FLOT2: variants seen among roughly 807,000 people sequenced by gnomAD.
FLOT2 encodes the protein flotillin-2.
FLOT2 carries 35 observed loss-of-function variants against 54.9 expected under a neutral mutation model. The ratio of observed to expected loss-of-function variants is 0.64; its 90% confidence interval spans 0.49 to 0.84. FLOT2 has a LOEUF of 0.84. FLOT2 is among the 40% of genes least tolerant of loss of function. FLOT2 has a pLI of 0.00. For missense variants in FLOT2, 464 were observed against 572.1 expected (o/e 0.81, Z 1.93); for synonymous variants, 207 against 228.9 (o/e 0.90, Z 0.86).
chr17:28,894,672 T>G (rs767991497), intron 1 of FLOT2, among the ~76,000 whole-genome samples: 1 of 137,368 alleles, frequency 7.3e-6, no homozygotes, highest in Non-Finnish European at 1.5e-5. Flanking sequence ...CGTCCACTTA[T>G]AGTCTCAGCT....
chr17:28,896,494 A>C (rs189746089), intron 1 of FLOT2, among the ~76,000 whole-genome samples: 205 of 152,296 alleles, frequency 1.3e-3, no homozygotes, highest in Middle Eastern at 3.4e-3. Context: ...CTTATCTCCC[A>C]CACACTGGGG....
chr17:28,881,117 A>G, intron 9 of FLOT2, 75 bp downstream of exon 9: 3 of 1,394,678 alleles, frequency 2.2e-6, no homozygotes, highest in Non-Finnish European at 3.0e-6. Flanking sequence ...CAAGGCCCAG[A>G]GAAGTTCTGG....
Position 28,880,360 on chromosome 17 carries a change from T to G in FLOT2, c.*201A>C, listed in dbSNP as rs1598086426. 7.1e-7 allele frequency: 1 copy of G among 1,398,970 alleles called. No individual in the cohort carries two copies. The highest frequency in any genetic ancestry group is 1.7e-5 in the South Asian group (1 of 58,928). The allele number at this position is 1,398,970 out of a possible 1,614,324, so 86.7% of individuals were successfully genotyped here. A position where few individuals can be genotyped will look rare whatever the true frequency, so the allele number is the denominator to read the frequency against. On this transcript the variant is annotated 3_prime_UTR_variant, in exon 11 of 11. Coordinates refer to ENST00000394908, the MANE Select transcript of FLOT2 (RefSeq NM_004475.3). The stretch of plus-strand genomic sequence containing the variant: ...AACCTGATGAAAGTGGCAGTGAAAG[T>G]GGGGTAAAGGAGAGGAAGAGGAGGA...
intron 8 of FLOT2, 64 bp downstream of exon 8, chr17:28,881,750 G>A: frequency 1.4e-6 from 2 of 1,422,048 alleles, no homozygotes; most frequent in South Asian, 1.2e-5. Flanking sequence ...GGAGAGTAGA[G>A]GGAGTGCACT....
At chr17:28,890,010 T>C (rs897003215) in intron 1 of FLOT2, among the ~76,000 whole-genome samples, 1 of 151,798 alleles carries the variant, frequency 6.6e-6, no homozygotes, top group Non-Finnish European at 1.5e-5. Flanking sequence ...ACGGGGGGTG[T>C]AGACAGAGAG....
intron 2 of FLOT2, chr17:28,885,827 A>C (rs1367796479): frequency 7.0e-6 from 10 of 1,420,108 alleles, no homozygotes; most frequent in Non-Finnish European, 8.8e-6. Flanking sequence ...AGAAGGTTAG[A>C]CACGGAGGAG....
At chr17:28,889,293 AAGAAC>A (rs2039604455) in intron 1 of FLOT2, among the ~76,000 whole-genome samples, 1 of 152,232 alleles carries the variant, frequency 6.6e-6, no homozygotes, top group African/African-American at 2.4e-5. Context: ...CAGAGAAAAG[AAGAAC>A]AGAACAGGAC....
intron 8 of FLOT2, 135 bp from the exon 9 acceptor site, chr17:28,881,510 G>A: frequency 1.1e-6 from 1 of 942,932 alleles, no homozygotes; most frequent in South Asian, 1.6e-5. Context: ...GGAGTGGGGT[G>A]GCCTGACCTT....
chr17:28,880,679 T>C, intron 10 of FLOT2, 34 bp downstream of exon 10: 1 of 1,613,954 alleles, frequency 6.2e-7, no homozygotes, highest in Admixed American at 1.7e-5. Flanking sequence ...ACGGGCTACC[T>C]GGGCAACCCC....
chr17:28,896,050 C>A (rs2039736041), intron 1 of FLOT2, among the ~76,000 whole-genome samples: 1 of 152,180 alleles, frequency 6.6e-6, no homozygotes, highest in Non-Finnish European at 1.5e-5. Flanking sequence ...CAGGCATTAT[C>A]TGTCACCCCC....
intron 1 of FLOT2, among the ~76,000 whole-genome samples, chr17:28,894,273 G>T (rs971071356): frequency 6.6e-6 from 1 of 152,060 alleles, no homozygotes; most frequent in African/African-American, 2.4e-5. Flanking sequence ...GATTGCTTGA[G>T]CCCAGGAGTT....
chr17:28,881,964 T>C lies in FLOT2; in HGVS notation c.764A>G (p.Glu255Gly). 6.2e-7 allele frequency: 1 copy of C among 1,614,094 alleles called. No individual in the cohort carries two copies. Among genetic ancestry groups the C allele is most frequent in the Non-Finnish European group, 8.5e-7 (1 of 1,180,040 alleles). Residue 255 changes from glutamate (E) to glycine (G), a missense_variant, in exon 8 of 11, where the codon GAA becomes GGA. Physicochemically the swap from Glu to Gly is moderately conservative, Grantham distance 98. Transcript: ENST00000394908. The stretch of plus-strand genomic sequence containing the variant: ...CTGCACAACCTCAATCTCAATCTCT[T>C]CCTGCCGGATCTTCTGCTGTTCACG... Reference protein sequence around the residue: ...GAREQQKIRQEEIEIEVVQRK... With the variant: ...GAREQQKIRQGEIEIEVVQRK...
Position 28,882,344 on chromosome 17 carries a change from C to A in FLOT2, c.572G>T (p.Gly191Val), listed in dbSNP as rs1375397436. The A allele has an allele frequency of 9.3e-6, 15 of 1,613,832 alleles. No homozygotes were observed. Among genetic ancestry groups the A allele is most frequent in the Non-Finnish European group, 1.3e-5 (15 of 1,180,018 alleles). Residue 191 changes from glycine to valine, a missense_variant, in exon 6 of 11, where the codon GGC (glycine) becomes GTC (valine). Physicochemically the swap from Gly to Val is moderately radical, Grantham distance 109. Coordinates refer to ENST00000394908, the MANE Select transcript of FLOT2 (RefSeq NM_004475.3). The surrounding 1 kb of genome is among the most constrained non-coding windows in gnomAD (Gnocchi z 5.6). ...IGVAEAERDAGIREAECKKEM... is the reference protein window; with the variant it reads ...IGVAEAERDAVIREAECKKEM... ...ATCCTTGAACCCACATACCCGGATG[C>A]CTGCGTCCCGTTCAGCCTCGGCCAC...
chr17:28,897,404 C>A lies in FLOT2; in HGVS notation c.49+122G>T. 1.1e-6 allele frequency: 1 copy of A among 937,570 alleles called. No homozygotes were observed. 58.1% of individuals were successfully genotyped at this position (937,570 alleles called of 1,614,324 possible). On this transcript the variant is annotated intron_variant, in intron 1 of 10. Coordinates refer to ENST00000394908, the MANE Select transcript of FLOT2 (RefSeq NM_004475.3). The surrounding 1 kb of genome is among the most constrained non-coding windows in gnomAD (Gnocchi z 4.4). ...TCTTGGAAGGGGCCTCAGGTGCGGC[C>A]CGGGGGCCAGCGCCCTGCGCCGCGC...
chr17:28,881,107 C>G (rs1454221379), intron 9 of FLOT2, 85 bp downstream of exon 9: 1 of 1,308,928 alleles, frequency 7.6e-7, no homozygotes, highest in Non-Finnish European at 1.1e-6. Context: ...GTGTTACTCG[C>G]AAGGCCCAGA....
At chr17:28,881,124 C>G in intron 9 of FLOT2, 68 bp downstream of exon 9, 2 of 1,456,884 alleles carry the variant, frequency 1.4e-6, no homozygotes, top group Non-Finnish European at 1.9e-6. Flanking sequence ...CAGAGAAGTT[C>G]TGGCACTTGC....
chr17:28,896,057 C>A (rs1360134771), intron 1 of FLOT2, among the ~76,000 whole-genome samples: 1 of 152,080 alleles, frequency 6.6e-6, no homozygotes, highest in East Asian at 1.9e-4. Context: ...TATCTGTCAC[C>A]CCCGCCAACC....
At position 28,894,388 on chromosome 17, in the gene FLOT2, C is replaced by T. The variant is rs913282919; in HGVS notation, c.49+3138G>A. 2.0e-5 allele frequency among the ~76,000 whole-genome samples: 3 copies of T among 151,634 alleles called. No homozygotes were observed. In the East Asian group the frequency reaches 5.8e-4, roughly 29 times the overall value. On this transcript the variant is annotated intron_variant, in intron 1 of 10. Transcript: ENST00000394908. ...CCTGTAATCCCAGCACTTTGGGAGG[C>T]CGAGGTGGGCGGATCACTTGAGGCC... is the stretch of plus-strand genomic sequence containing the variant.
chr17:28,888,247 G>C (rs1199407343), intron 2 of FLOT2, among the ~76,000 whole-genome samples: 1 of 152,246 alleles, frequency 6.6e-6, no homozygotes, highest in Admixed American at 6.5e-5. Flanking sequence ...TGGGCAGTGA[G>C]GGTGGCAGGA....
Sources: allele counts gnomAD v4.1 joint callset (sites outside exome capture counted in the v4.1 genomes callset), GRCh38; gene constraint gnomAD v4.1.1; non-coding constraint Gnocchi (gnomAD v3.1); transcripts MANE v1.5; gene names NCBI Gene and HGNC (gene_info 2026-07-23, HGNC 2026-07-21).